Variants in ELAPOR2 observed in about 807,000 individuals in gnomAD.
The protein encoded by ELAPOR2 is endosome-lysosome associated apoptosis and autophagy regulator family member 2, also known as endosome/lysosome-associated apoptosis and autophagy regulator family member 2.
A neutral mutation model predicts 120.7 loss-of-function variants in ELAPOR2; 89 were observed. The observed-to-expected ratio is 0.74, with a 90% CI of 0.62 to 0.88. ELAPOR2 has a LOEUF of 0.88. ELAPOR2 is among the 40% of genes least tolerant of loss of function. The pLI, the probability that ELAPOR2 is intolerant of heterozygous loss-of-function variation, is 0.00. For missense variants in ELAPOR2, 1,134 were observed against 1,251.6 expected (o/e 0.91, Z 1.42); for synonymous variants, 444 against 444.9 (o/e 1.00, Z 0.03).
intron 2 of ELAPOR2, among the ~76,000 whole-genome samples, chr7:86,960,969 T>A (rs998954372): frequency 2.6e-5 from 4 of 152,152 alleles, no homozygotes; most frequent in African/African-American, 4.8e-5. Context: ...AACCAATTAT[T>A]CAAATTCTAG....
At chr7:86,951,708 C>G (rs1003169392) in intron 2 of ELAPOR2, among the ~76,000 whole-genome samples, 1 of 152,204 alleles carries the variant, frequency 6.6e-6, no homozygotes, top group Non-Finnish European at 1.5e-5. Flanking sequence ...ATGGAAAATA[C>G]AGGGTTAGGT....
Position 86,947,881 on chromosome 7 carries a change from G to C in ELAPOR2, c.352C>G (p.Gln118Glu). Residue 118 changes from glutamine (Q) to glutamate (E), a missense_variant, in exon 3 of 22, where the codon CAG becomes GAG. Transcript: ENST00000450689. ...ASGEYLEMKN[Q>E]VCSKCGEGTY... ...CCTTCACCACACTTACTGCATACCT[G>C]GTTCTTCATTTCTAGATACTCTCCA... 1 of 1,552,036 alleles carries C rather than the reference G, an allele frequency of 6.4e-7. No individual in the cohort carries two copies. Among genetic ancestry groups the C allele is most frequent in the Non-Finnish European group, 8.7e-7 (1 of 1,147,062 alleles).
intron 1 of ELAPOR2, among the ~76,000 whole-genome samples, chr7:86,984,255 C>A (rs550019068): frequency 1.5e-3 from 233 of 152,334 alleles, no homozygotes; most frequent in Non-Finnish European, 2.6e-3. Flanking sequence ...TAACACCCCA[C>A]TGTCAGTATT....
rs755676526 is a variant in ELAPOR2 at position 86,891,688 on chromosome 7, A to G, written c.3030+36T>C. The G allele has an allele frequency of 1.9e-6, 3 of 1,574,802 alleles. No individual in the cohort carries two copies. The African/African-American group carries it at 4.1e-5, about 21-fold the overall frequency. ...GGTTAATATGCCCTCTACTTTATAA[A>G]CACCCAGTAACACCAGGTTAAAATT... On this transcript the variant is annotated intron_variant, in intron 21 of 21. Transcript: ENST00000450689.
At chr7:86,971,151 A>G (rs544746767) in intron 1 of ELAPOR2, among the ~76,000 whole-genome samples, 1 of 152,270 alleles carries the variant, frequency 6.6e-6, no homozygotes, top group African/African-American at 2.4e-5. Flanking sequence ...CTAGATCCCA[A>G]CCTCACCTCT....
At chr7:86,963,537 C>T (rs1791794815) in intron 2 of ELAPOR2, among the ~76,000 whole-genome samples, 1 of 152,140 alleles carries the variant, frequency 6.6e-6, no homozygotes, top group Non-Finnish European at 1.5e-5. Flanking sequence ...ACCACCATAC[C>T]ACCTAGATAT....
At chr7:87,027,673 C>A (rs571811241) in intron 1 of ELAPOR2, among the ~76,000 whole-genome samples, 31 of 152,222 alleles carry the variant, frequency 2.0e-4, no homozygotes, top group African/African-American at 7.2e-4. Context: ...TGAAGAGACA[C>A]ACAGGGAGAA....
intron 2 of ELAPOR2, among the ~76,000 whole-genome samples, 181 bp downstream of exon 2, chr7:86,964,723 T>A (rs1193907880): frequency 6.6e-6 from 1 of 152,214 alleles, no homozygotes; most frequent in Admixed American, 6.5e-5. Context: ...TTTGTCTCAT[T>A]ACAGACTTGA....
At chr7:87,041,904 A>G (rs1215753388) in intron 1 of ELAPOR2, among the ~76,000 whole-genome samples, 1 of 151,884 alleles carries the variant, frequency 6.6e-6, no homozygotes, top group Admixed American at 6.5e-5. Flanking sequence ...TCAAAATAAA[A>G]GGATGGAGGA....
At chr7:86,887,243 C>G (rs577152229) in intron 21 of ELAPOR2, among the ~76,000 whole-genome samples, 1 of 152,190 alleles carries the variant, frequency 6.6e-6, no homozygotes, top group South Asian at 2.1e-4. Context: ...AGAGACTAGA[C>G]AAGACAGACT....
chr7:86,881,154 T>C (rs1799380550), intron 21 of ELAPOR2, among the ~76,000 whole-genome samples: 1 of 152,162 alleles, frequency 6.6e-6, no homozygotes, highest in Admixed American at 6.5e-5. Flanking sequence ...AAATTAGTTT[T>C]CTTTAATGAG....
intron 1 of ELAPOR2, among the ~76,000 whole-genome samples, chr7:87,004,408 T>C (rs1177927713): frequency 6.6e-6 from 1 of 152,184 alleles, no homozygotes; most frequent in Non-Finnish European, 1.5e-5. Context: ...TACTTTCACT[T>C]TGCCTTACAA....
intron 2 of ELAPOR2, among the ~76,000 whole-genome samples, chr7:86,956,587 C>A (rs1364508862): frequency 7.2e-5 from 11 of 152,186 alleles, no homozygotes; most frequent in Non-Finnish European, 1.6e-4. Flanking sequence ...TGTGACACCA[C>A]AGATAGTAAT....
intron 1 of ELAPOR2, among the ~76,000 whole-genome samples, chr7:86,973,693 A>G (rs1008143356): frequency 1.3e-5 from 2 of 152,290 alleles, no homozygotes; most frequent in African/African-American, 4.8e-5. Context: ...CCTGGAAGCA[A>G]TCTTGGATCT....
chr7:87,055,599 C>T (rs1795237422), intron 1 of ELAPOR2, among the ~76,000 whole-genome samples: 1 of 152,038 alleles, frequency 6.6e-6, no homozygotes, highest in African/African-American at 2.4e-5. Flanking sequence ...CACATCTGAC[C>T]CTTGTCTGCT....
At chr7:86,949,655 G>A (rs559281873) in intron 2 of ELAPOR2, among the ~76,000 whole-genome samples, 2 of 152,266 alleles carry the variant, frequency 1.3e-5, no homozygotes, top group Admixed American at 1.3e-4. Flanking sequence ...TGCTCCCCCT[G>A]CCTGGCCTCT....
rs759466259 is a variant in ELAPOR2 at position 86,926,819 on chromosome 7, G to A, written c.1187C>T (p.Pro396Leu). 1.1e-5 allele frequency: 17 copies of A among 1,610,848 alleles called. No individual in the cohort carries two copies. The East Asian group carries it at 1.6e-4, about 15-fold the overall frequency. Residue 396 changes from proline to leucine, a missense_variant, in exon 9 of 22, where the codon CCG (proline) becomes CTG (leucine). This residue lies in a region of ELAPOR2 where 831 missense variants were observed against 867.6 expected (regional missense o/e 0.96). Coordinates refer to ENST00000450689, the MANE Select transcript of ELAPOR2 (RefSeq NM_001142749.3). ...LPPSGEKKDC[P>L]PCNPGFYNNG... ...GTTATAAAATCCAGGGTTGCAAGGC[G>A]GACAATCCTTCTTCTCTCCAGAAGG...
At chr7:87,059,197 C>G (rs1394124711) in intron 1 of ELAPOR2, 128 bp downstream of exon 1, 2 of 1,214,998 alleles carry the variant, frequency 1.6e-6, no homozygotes, top group Non-Finnish European at 2.1e-6. Context: ...TCGAAGCAAA[C>G]GAAAGCCCCT....
At chr7:87,012,014 A>C (rs1793698579) in intron 1 of ELAPOR2, among the ~76,000 whole-genome samples, 1 of 152,228 alleles carries the variant, frequency 6.6e-6, no homozygotes, top group South Asian at 2.1e-4. Flanking sequence ...ACAATATAAA[A>C]ATATTAATGA....
Sources: gnomAD v4.1 joint callset for allele counts (sites outside exome capture counted in the v4.1 genomes callset) on GRCh38, gnomAD v4.1.1 for gene constraint, gnomAD v4.1.1 regional missense constraint, MANE v1.5 for transcripts, NCBI Gene and HGNC (gene_info 2026-07-23, HGNC 2026-07-21) for gene names.